EXOC4: variants seen among roughly 807,000 people sequenced by gnomAD.
EXOC4 encodes the protein exocyst complex component 4, also known as SEC8-like 1.
In EXOC4, 71 loss-of-function variants were observed where a neutral mutation model predicts 107.2. The ratio of observed to expected loss-of-function variants is 0.66; its 90% CI spans 0.55 to 0.81. The LOEUF (loss-of-function observed/expected upper bound fraction) is 0.81. Among genes scored for constraint, EXOC4 ranks in the 30% least tolerant of loss-of-function variants. EXOC4 has a pLI of 0.00. For missense variants in EXOC4, 1,108 were observed against 1,189.6 expected, an observed-to-expected ratio of 0.93 and a Z score of 1.01; for synonymous variants, 456 against 441.2, an observed-to-expected ratio of 1.03 and a Z score of -0.42.
chr7:133,354,595 TG>T (rs1172734958), intron 5 of EXOC4, among the ~76,000 whole-genome samples: 3 of 152,054 alleles, frequency 2.0e-5, no homozygotes, highest in Non-Finnish European at 4.4e-5. Flanking sequence ...AGGAGGGGCT[TG>T]AAAAATTGGA....
At chr7:133,692,722 A>G (rs1794447922) in intron 10 of EXOC4, among the ~76,000 whole-genome samples, 2 of 152,236 alleles carry the variant, frequency 1.3e-5, no homozygotes, top group South Asian at 2.1e-4. Flanking sequence ...TCCAGTAGCA[A>G]TACGTATCAG....
chr7:133,932,191 T>C (rs1800193213), intron 13 of EXOC4, among the ~76,000 whole-genome samples: 1 of 152,236 alleles, frequency 6.6e-6, no homozygotes, highest in Admixed American at 6.5e-5. Flanking sequence ...AAGTTTGTAA[T>C]TGGTGCATTA....
chr7:134,001,994 C>G (rs1794540510), intron 15 of EXOC4, among the ~76,000 whole-genome samples: 2 of 152,190 alleles, frequency 1.3e-5, no homozygotes, highest in Non-Finnish European at 2.9e-5. Flanking sequence ...CAACAAAGTG[C>G]TACTTCATTT....
At chr7:133,840,622 AC>A (rs1224566892) in intron 11 of EXOC4, among the ~76,000 whole-genome samples, 3 of 152,002 alleles carry the variant, frequency 2.0e-5, no homozygotes, top group Non-Finnish European at 4.4e-5. Flanking sequence ...AGCTGGGACT[AC>A]AGGCACGCTC....
chr7:133,307,401 C>G (rs1435204197), intron 4 of EXOC4, among the ~76,000 whole-genome samples: 2 of 152,124 alleles, frequency 1.3e-5, no homozygotes, highest in East Asian at 3.9e-4. Flanking sequence ...ACAATGCCTG[C>G]TGATAAATAG....
At chr7:133,351,448 C>G (rs1195670666) in intron 5 of EXOC4, among the ~76,000 whole-genome samples, 1 of 151,928 alleles carries the variant, frequency 6.6e-6, no homozygotes, top group Non-Finnish European at 1.5e-5. Context: ...GGAAATTGTA[C>G]ATTTCATCTA....
intron 3 of EXOC4, among the ~76,000 whole-genome samples, chr7:133,300,983 ATAGT>A (rs1563008828): frequency 2.0e-5 from 3 of 152,214 alleles, no homozygotes; most frequent in African/African-American, 7.2e-5. Flanking sequence ...CAATGTAGAA[ATAGT>A]TGGTGAATGA....
chr7:133,581,782 A>ATGACC (rs1801281523), intron 9 of EXOC4, among the ~76,000 whole-genome samples: 1 of 148,646 alleles, frequency 6.7e-6, no homozygotes, highest in Non-Finnish European at 1.5e-5. Flanking sequence ...AAAAAAAAGA[A>ATGACC]TGACCTGAGA....
intron 9 of EXOC4, among the ~76,000 whole-genome samples, chr7:133,629,695 C>T (rs1802542562): frequency 6.6e-6 from 1 of 151,844 alleles, no homozygotes; most frequent in South Asian, 2.1e-4. Flanking sequence ...CACATGCGAC[C>T]ATGCCTGGCT....
chr7:133,901,726 A>G (rs542460539), intron 12 of EXOC4, among the ~76,000 whole-genome samples: 1 of 152,324 alleles, frequency 6.6e-6, no homozygotes, highest in South Asian at 2.1e-4. Flanking sequence ...TTCCCATGAC[A>G]CTATTCCACA....
chr7:133,574,572 T>G (rs1363499642), intron 9 of EXOC4, among the ~76,000 whole-genome samples: 1 of 152,208 alleles, frequency 6.6e-6, no homozygotes, highest in Admixed American at 6.5e-5. Context: ...AGTCACTTTG[T>G]CTAGAGGATT....
chr7:133,844,863 T>C (rs1162751460), intron 11 of EXOC4, among the ~76,000 whole-genome samples: 1 of 152,198 alleles, frequency 6.6e-6, no homozygotes, highest in African/African-American at 2.4e-5. Flanking sequence ...AAGGAGGTCA[T>C]TTCAGGCACT....
intron 9 of EXOC4, among the ~76,000 whole-genome samples, chr7:133,522,357 G>A (rs998364818): frequency 2.6e-5 from 4 of 151,998 alleles, no homozygotes; most frequent in African/African-American, 7.3e-5. Context: ...AGCTTCTTCC[G>A]CTTGTAGATA....
intron 7 of EXOC4, among the ~76,000 whole-genome samples, chr7:133,422,209 C>G (rs1797623736): frequency 6.6e-6 from 1 of 152,128 alleles, no homozygotes; most frequent in Non-Finnish European, 1.5e-5. Context: ...TACCTTTCTT[C>G]ATTAAGTAGG....
Position 133,714,245 on chromosome 7 carries a change from C to T in EXOC4, c.1514+84104C>T, listed in dbSNP as rs1202443665. Among the ~76,000 whole-genome samples, 4 of 152,324 alleles carry T rather than the reference C, an allele frequency of 2.6e-5. 1 individual carries two copies. Among genetic ancestry groups the T allele is most frequent in the Admixed American group, 2.6e-4 (4 of 15,302 alleles). ...ACAGACAGCTGGAGCCACAGTTCAC[C>T]GTCCTGGAACCCTCCCCACCTTCTG... On this transcript the variant is annotated intron_variant, in intron 10 of 17. Transcript: ENST00000253861.
At chr7:133,964,899 C>T (rs762766467) in intron 14 of EXOC4, among the ~76,000 whole-genome samples, 6 of 152,128 alleles carry the variant, frequency 3.9e-5, no homozygotes, top group African/African-American at 7.2e-5. Context: ...TGTGAGGAAT[C>T]GCCACACTGT....
chr7:133,414,924 C>T (rs1183503746), intron 7 of EXOC4, among the ~76,000 whole-genome samples: 1 of 152,082 alleles, frequency 6.6e-6, no homozygotes, highest in African/African-American at 2.4e-5. Context: ...CAGCCCCCTA[C>T]CCCCAACCGC....
chr7:133,309,942 A>AC (rs1456397203), intron 4 of EXOC4, among the ~76,000 whole-genome samples: 1 of 152,194 alleles, frequency 6.6e-6, no homozygotes, highest in Non-Finnish European at 1.5e-5. Flanking sequence ...TCCATCTCAA[A>AC]AAACAAACAA....
intron 9 of EXOC4, among the ~76,000 whole-genome samples, chr7:133,553,870 G>T (rs562148928): frequency 6.6e-6 from 1 of 152,014 alleles, no homozygotes; most frequent in African/African-American, 2.4e-5. Context: ...AGTTTCTCCC[G>T]CCTCCACCCA....
Sources: gnomAD v4.1 joint callset for allele counts (sites outside exome capture counted in the v4.1 genomes callset) on GRCh38, gnomAD v4.1.1 for gene constraint, MANE v1.5 for transcripts, NCBI Gene and HGNC (gene_info 2026-07-23, HGNC 2026-07-21) for gene names.